RGS22: variants seen among roughly 807,000 people sequenced by gnomAD.
RGS22 encodes the protein regulator of G-protein signaling 22.
RGS22 carries 148 observed loss-of-function variants against 172.9 expected under a neutral mutation model. The ratio of observed to expected loss-of-function variants is 0.86; its 90% CI spans 0.75 to 0.98. The LOEUF is 0.98. RGS22 is among the 50% of genes least tolerant of loss of function. RGS22 has a pLI of 0.00. For synonymous variants in RGS22, 458 were observed against 480.2 expected (o/e 0.95, Z 0.60); for missense variants, 1,347 against 1,440.8 (o/e 0.93, Z 1.05).
At chr8:100,045,637 C>T (rs1023695657) in intron 11 of RGS22, among the ~76,000 whole-genome samples, 8 of 151,722 alleles carry the variant, frequency 5.3e-5, no homozygotes, top group African/African-American at 1.9e-4. Context: ...CTATGAAAGA[C>T]AATTTGATAT....
intron 24 of RGS22, among the ~76,000 whole-genome samples, chr8:99,964,633 T>C (rs934152031): frequency 1.3e-5 from 2 of 152,196 alleles, no homozygotes; most frequent in African/African-American, 2.4e-5. Flanking sequence ...CATATGCTTT[T>C]AGATATCTCT....
intron 3 of RGS22, chr8:100,080,774 T>A (rs910835401): frequency 6.2e-6 from 1 of 160,848 alleles, no homozygotes. Flanking sequence ...AGGCTAACAA[T>A]CTCCCTTGTC....
intron 3 of RGS22, chr8:100,091,770 C>T (rs1301578536): frequency 7.9e-5 from 12 of 152,056 alleles, no homozygotes; most frequent in African/African-American, 2.4e-5. Flanking sequence ...GATTGCAGAG[C>T]CCACAGGAAA....
intron 2 of RGS22, 29 bp downstream of exon 2, chr8:100,105,345 A>C: frequency 2.5e-6 from 4 of 1,585,534 alleles, no homozygotes; most frequent in Non-Finnish European, 3.5e-6. Context: ...AGGCCAAAGA[A>C]AAAAATAGCC....
rs1262676440 is a variant in RGS22 at position 100,008,416 on chromosome 8, A to G, written c.2320T>C (p.Trp774Arg). 2.5e-6 allele frequency: 4 copies of G among 1,612,398 alleles called. No homozygotes were observed. The highest frequency in any genetic ancestry group is 1.7e-4 in the Middle Eastern group (1 of 6,058). Residue 774 changes from tryptophan to arginine, a missense_variant, in exon 15 of 28, where the codon TGG becomes CGG. By Grantham distance (101) the Trp-to-Arg change is moderately radical. Coordinates refer to ENST00000360863, the MANE Select transcript of RGS22 (RefSeq NM_015668.5). Reference protein sequence around the residue: ...EYILLLLLEPWTKMVKSDQIA... With the variant: ...EYILLLLLEPRTKMVKSDQIA... Reference sequence around the variant, plus strand: ...TGGTCCGATTTTACCATCTTTGTCCATGGCTCAAGAAGGAGGAGAAGGATA... The same window carrying G: ...TGGTCCGATTTTACCATCTTTGTCCGTGGCTCAAGAAGGAGGAGAAGGATA...
chr8:99,991,511 T>A (rs987160743), intron 20 of RGS22, among the ~76,000 whole-genome samples: 2 of 152,068 alleles, frequency 1.3e-5, no homozygotes, highest in Non-Finnish European at 2.9e-5. Context: ...GGAAGAAGGG[T>A]ATCAGTGATT....
At chr8:100,064,301 C>T (rs1458101761) in intron 7 of RGS22, among the ~76,000 whole-genome samples, 1 of 152,000 alleles carries the variant, frequency 6.6e-6, no homozygotes, top group Non-Finnish European at 1.5e-5. Context: ...AACCCCTTCT[C>T]TACTAAAAAT....
chr8:100,042,443 C>T (rs1820241005), intron 11 of RGS22, among the ~76,000 whole-genome samples: 1 of 152,150 alleles, frequency 6.6e-6, no homozygotes, highest in African/African-American at 2.4e-5. Context: ...ACATACCAAA[C>T]ACTGTGCTAG....
Position 100,072,126 on chromosome 8 carries a change from A to T in RGS22, c.425+19T>A, listed in dbSNP as rs990912776. 2.9e-5 allele frequency: 42 copies of T among 1,442,288 alleles called. No individual in the cohort carries two copies. The Admixed American group carries it at 8.0e-4, about 27-fold the overall frequency. 89.3% of individuals were successfully genotyped at this position (1,442,288 alleles called of 1,614,324 possible). ...TATATATGTATTTAAAAATACATATATTGATGGGACTATAGTACCTGTATT... is the reference window on the plus strand; with the variant it reads ...TATATATGTATTTAAAAATACATATTTTGATGGGACTATAGTACCTGTATT... On this transcript the variant is annotated intron_variant, in intron 5 of 27. Coordinates refer to ENST00000360863, the MANE Select transcript of RGS22 (RefSeq NM_015668.5).
At chr8:100,083,526 C>T (rs1274419982) in intron 3 of RGS22, among the ~76,000 whole-genome samples, 1 of 151,898 alleles carries the variant, frequency 6.6e-6, no homozygotes, top group Non-Finnish European at 1.5e-5. Flanking sequence ...CACCACCATG[C>T]CAAGCTAATT....
intron 11 of RGS22, among the ~76,000 whole-genome samples, chr8:100,044,879 A>G (rs1820550039): frequency 6.6e-6 from 1 of 152,098 alleles, no homozygotes; most frequent in Admixed American, 6.5e-5. Context: ...GTATATCCCA[A>G]TATATATCCT....
intron 9 of RGS22, among the ~76,000 whole-genome samples, chr8:100,058,724 A>G (rs1418842915): frequency 6.6e-6 from 1 of 152,162 alleles, no homozygotes; most frequent in African/African-American, 2.4e-5. Flanking sequence ...TCAACACAAG[A>G]CCTGTCCTAC....
At chr8:100,080,376 A>C (rs778502331) in intron 3 of RGS22, 21 bp from the exon 4 acceptor site, 6 of 1,555,400 alleles carry the variant, frequency 3.9e-6, no homozygotes, top group Non-Finnish European at 3.5e-6. Context: ...AATTTGTGGA[A>C]ATTAAAACAT....
At chr8:99,971,125 A>G (rs886833510) in intron 23 of RGS22, among the ~76,000 whole-genome samples, 1 of 152,166 alleles carries the variant, frequency 6.6e-6, no homozygotes, top group Non-Finnish European at 1.5e-5. Context: ...AATGACAAAA[A>G]CCACATGATT....
chr8:99,968,071 G>A (rs930326186), intron 23 of RGS22, among the ~76,000 whole-genome samples: 1 of 152,164 alleles, frequency 6.6e-6, no homozygotes, highest in African/African-American at 2.4e-5. Flanking sequence ...AGCCTCTGCC[G>A]GTGATAACCC....
intron 22 of RGS22, among the ~76,000 whole-genome samples, chr8:99,980,017 G>A (rs1037704027): frequency 6.6e-6 from 1 of 152,208 alleles, no homozygotes; most frequent in African/African-American, 2.4e-5. Context: ...ATGGCAGGGA[G>A]TGGTAAAAGA....
chr8:99,991,811 T>C (rs552813856), intron 20 of RGS22, among the ~76,000 whole-genome samples: 9 of 152,090 alleles, frequency 5.9e-5, no homozygotes, highest in Non-Finnish European at 1.3e-4. Flanking sequence ...CAAGATATAA[T>C]TGTCAGATTC....
rs1432992104 is a variant in RGS22, at chr8:100,063,870, C to T, written c.898G>A (p.Asp300Asn). 1.9e-6 allele frequency: 3 copies of T among 1,611,650 alleles called. No homozygotes were observed. Among genetic ancestry groups the T allele is most frequent in the African/African-American group, 2.7e-5 (2 of 74,718 alleles). Residue 300 changes from aspartate to asparagine, a missense_variant, in exon 8 of 28, where the codon GAT (aspartate) becomes AAT (asparagine). Asp to Asn is a conservative substitution (Grantham distance 23, BLOSUM62 1). Coordinates refer to ENST00000360863, the MANE Select transcript of RGS22 (RefSeq NM_015668.5). ...TGCATTGTCAGGCTTTCATCAACATCCTGTTTCTTTTCAAGGTATACTCTC... is the reference window on the plus strand; with the variant it reads ...TGCATTGTCAGGCTTTCATCAACATTCTGTTTCTTTTCAAGGTATACTCTC... Reference protein sequence around the residue: ...LLRVYLEKKQDVDESLTMHFS... With the variant: ...LLRVYLEKKQNVDESLTMHFS...
intron 2 of RGS22, 70 bp from the exon 3 acceptor site, chr8:100,093,579 A>G: frequency 5.9e-6 from 6 of 1,022,096 alleles, no homozygotes; most frequent in South Asian, 4.4e-5. Context: ...ATTATTCTCT[A>G]TTTCTGCTAC....
Sources: gnomAD v4.1 joint callset for allele counts (sites outside exome capture counted in the v4.1 genomes callset) on GRCh38, gnomAD v4.1.1 for gene constraint, MANE v1.5 for transcripts, NCBI Gene and HGNC (gene_info 2026-07-23, HGNC 2026-07-21) for gene names.